FAM135B: variants seen among roughly 807,000 people sequenced by gnomAD.
The protein encoded by FAM135B is family with sequence similarity 135 member B, also known as protein FAM135B.
A neutral mutation model predicts 127.7 loss-of-function variants in FAM135B; 43 were observed. The observed-to-expected ratio is 0.34, with a 90% confidence interval of 0.26 to 0.43. The LOEUF is 0.43. Ranked by LOEUF, FAM135B falls within the 20% of genes least tolerant of loss-of-function variation. The pLI is 1.00. For missense variants in FAM135B, 1,558 were observed against 1,725.6 expected (o/e 0.90, Z 1.72); for synonymous variants, 670 against 665.1 (o/e 1.01, Z -0.11).
rs779783507 is a variant in FAM135B at position 138,224,832 on chromosome 8, C to T, written c.669+18110G>A. 8.3e-4 allele frequency among the ~76,000 whole-genome samples: 126 copies of T among 151,872 alleles called. 1 individual carries two copies. The highest frequency in any genetic ancestry group is 4.3e-4 in the Non-Finnish European group (29 of 68,006). ...AGACACAGAATACACAAATCCTGCA[C>T]GATCTCAGTTATATGTGGAATCTAA... On this transcript the variant is annotated intron_variant, in intron 7 of 19. Transcript: ENST00000395297.
chr8:138,408,768 C>T (rs547439279), intron 1 of FAM135B, among the ~76,000 whole-genome samples: 1 of 152,174 alleles, frequency 6.6e-6, no homozygotes, highest in East Asian at 1.9e-4. Context: ...TCCCTCACTA[C>T]CATGAGAACA....
chr8:138,376,711 A>G (rs555847830), intron 1 of FAM135B, among the ~76,000 whole-genome samples: 1 of 152,350 alleles, frequency 6.6e-6, no homozygotes, highest in Admixed American at 6.5e-5. Flanking sequence ...TCAATGCATT[A>G]GGGTGGCACT....
chr8:138,317,200 T>C (rs1827164054), intron 2 of FAM135B, among the ~76,000 whole-genome samples: 1 of 152,186 alleles, frequency 6.6e-6, no homozygotes, highest in South Asian at 2.1e-4. Flanking sequence ...GAACAACTCA[T>C]ACACAGAACA....
intron 10 of FAM135B, 87 bp downstream of exon 10, chr8:138,178,448 C>T (rs2130977111): frequency 6.6e-7 from 1 of 1,506,672 alleles, no homozygotes; most frequent in Non-Finnish European, 9.1e-7. Context: ...AGAGGCCAAT[C>T]CTAATGCTTG....
At chr8:138,424,639 T>C (rs1834734927) in intron 1 of FAM135B, among the ~76,000 whole-genome samples, 1 of 152,226 alleles carries the variant, frequency 6.6e-6, no homozygotes, top group Non-Finnish European at 1.5e-5. Context: ...TCAGGTTATG[T>C]GGTTTGTTCA....
At chr8:138,187,827 A>G (rs1417980961) in intron 9 of FAM135B, among the ~76,000 whole-genome samples, 1 of 152,204 alleles carries the variant, frequency 6.6e-6, no homozygotes, top group African/African-American at 2.4e-5. Context: ...AGACCAATCC[A>G]TGATTGGAGA....
intron 2 of FAM135B, among the ~76,000 whole-genome samples, chr8:138,342,805 C>T (rs746374694): frequency 2.6e-5 from 4 of 152,184 alleles, no homozygotes; most frequent in Non-Finnish European, 5.9e-5. Context: ...CATATGCACA[C>T]AACTATGCAT....
chr8:138,218,107 G>T (rs7461145), intron 7 of FAM135B, among the ~76,000 whole-genome samples: 103,356 of 152,026 alleles, frequency 0.68, 35,246 homozygotes, highest in Middle Eastern at 0.78. Flanking sequence ...TAACTAAGAT[G>T]ACTTCCAAAT....
chr8:138,300,070 T>C (rs1051057660), intron 3 of FAM135B, among the ~76,000 whole-genome samples: 1 of 151,928 alleles, frequency 6.6e-6, no homozygotes, highest in African/African-American at 2.4e-5. Flanking sequence ...CGGGTTCAAG[T>C]GATTCTTGTG....
intron 1 of FAM135B, among the ~76,000 whole-genome samples, chr8:138,476,014 G>A (rs1814411667): frequency 6.6e-6 from 1 of 152,128 alleles, no homozygotes; most frequent in South Asian, 2.1e-4. Context: ...TCTAGATGAT[G>A]AAATGTTATT....
At chr8:138,486,171 A>C (rs1490303065) in intron 1 of FAM135B, among the ~76,000 whole-genome samples, 1 of 151,948 alleles carries the variant, frequency 6.6e-6, no homozygotes, top group Non-Finnish European at 1.5e-5. Flanking sequence ...TTAAGAGACA[A>C]GCAGAAGGAG....
chr8:138,147,694 G>A (rs1288190631), intron 14 of FAM135B, among the ~76,000 whole-genome samples: 1 of 152,132 alleles, frequency 6.6e-6, no homozygotes, highest in Non-Finnish European at 1.5e-5. Context: ...TTGATAATGT[G>A]ATCTATGGCT....
At chr8:138,369,819 A>T (rs977604675) in intron 1 of FAM135B, among the ~76,000 whole-genome samples, 1 of 152,096 alleles carries the variant, frequency 6.6e-6, no homozygotes, top group African/African-American at 2.4e-5. Flanking sequence ...TCATTTTCTC[A>T]TCACCCCACT....
At chr8:138,290,922 C>T (rs1471374296) in intron 3 of FAM135B, among the ~76,000 whole-genome samples, 2 of 152,276 alleles carry the variant, frequency 1.3e-5, no homozygotes, top group Admixed American at 6.5e-5. Context: ...CATACACAAT[C>T]AGCCATGGAG....
intron 1 of FAM135B, among the ~76,000 whole-genome samples, chr8:138,411,984 G>A (rs1833897014): frequency 1.3e-5 from 2 of 152,148 alleles, no homozygotes; most frequent in Non-Finnish European, 2.9e-5. Context: ...AATACCGTAT[G>A]TTCTCACTTA....
intron 3 of FAM135B, among the ~76,000 whole-genome samples, chr8:138,278,116 C>A (rs746913499): frequency 1.3e-5 from 2 of 151,960 alleles, no homozygotes; most frequent in African/African-American, 2.4e-5. Context: ...GCCTCTGCAC[C>A]AAGACGTTGA....
chr8:138,335,346 T>G (rs965746298), intron 2 of FAM135B, among the ~76,000 whole-genome samples: 1 of 152,142 alleles, frequency 6.6e-6, no homozygotes, highest in East Asian at 1.9e-4. Context: ...ATTTTCTTTG[T>G]GTAAATTAAA....
At chr8:138,476,634 T>C (rs1367887759) in intron 1 of FAM135B, among the ~76,000 whole-genome samples, 2 of 152,152 alleles carry the variant, frequency 1.3e-5, no homozygotes, top group Non-Finnish European at 2.9e-5. Flanking sequence ...AACTCAGGAA[T>C]AATTTTTAAA....
intron 1 of FAM135B, chr8:138,439,160 T>C (rs572920772): frequency 6.6e-6 from 1 of 152,288 alleles, no homozygotes; most frequent in South Asian, 2.1e-4. Context: ...CAAGGCAAAG[T>C]TTCTGGTGTG....
Sources: allele counts gnomAD v4.1 joint callset (sites outside exome capture counted in the v4.1 genomes callset), GRCh38; gene constraint gnomAD v4.1.1; transcripts MANE v1.5; gene names NCBI Gene and HGNC (gene_info 2026-07-23, HGNC 2026-07-21).